ZBTB16: variants seen among roughly 807,000 people sequenced by gnomAD.
ZBTB16 encodes the protein zinc finger and BTB domain-containing protein 16.
Under a neutral mutation model 56.8 loss-of-function variants are expected in ZBTB16, and 8 were observed. The ratio of observed to expected loss-of-function variants is 0.14; its 90% CI spans 0.08 to 0.25. ZBTB16 has a LOEUF of 0.25. ZBTB16 is among the 10% of genes least tolerant of loss of function. The pLI is 1.00. For synonymous variants in ZBTB16, 363 were observed against 368.5 expected (o/e 0.98, Z 0.17); for missense variants, 625 against 903.0 (o/e 0.69, Z 3.95).
At chr11:114,093,313 G>A (rs918344298) in intron 2 of ZBTB16, among the ~76,000 whole-genome samples, 5 of 150,558 alleles carry the variant, frequency 3.3e-5, no homozygotes, top group African/African-American at 1.2e-4. Flanking sequence ...TTGTGGAGAG[G>A]TGAACACCGT....
intron 4 of ZBTB16, among the ~76,000 whole-genome samples, chr11:114,235,166 C>A (rs908077506): frequency 1.3e-5 from 2 of 152,178 alleles, no homozygotes; most frequent in Non-Finnish European, 2.9e-5. Flanking sequence ...GGCAGTCCTT[C>A]CTTTGTTGGG....
At chr11:114,120,125 A>G (rs910800006) in intron 2 of ZBTB16, among the ~76,000 whole-genome samples, 3 of 152,126 alleles carry the variant, frequency 2.0e-5, no homozygotes, top group Admixed American at 2.0e-4. Flanking sequence ...CAGGAGGGAA[A>G]TCTGTAAGGG....
At chr11:114,127,043 A>G (rs1364200690) in intron 2 of ZBTB16, among the ~76,000 whole-genome samples, 1 of 152,110 alleles carries the variant, frequency 6.6e-6, no homozygotes, top group African/African-American at 2.4e-5. Flanking sequence ...TTCTGGACCC[A>G]GCCTTGGACC....
chr11:114,188,715 G>T (rs573190356), intron 4 of ZBTB16: 4 of 152,312 alleles, frequency 2.6e-5, no homozygotes, highest in South Asian at 2.1e-4. Flanking sequence ...TGAGCTTCTA[G>T]CTGGGAGACA....
rs1944955784 is a variant in ZBTB16, at chr11:114,253,786, G to A, written c.*3231G>A. On this transcript the variant is annotated 3_prime_UTR_variant, in exon 7 of 7. Coordinates refer to ENST00000335953, the MANE Select transcript of ZBTB16 (RefSeq NM_006006.6). ...TGTTGCACGGCCTAGTGGCCAGGGG[G>A]CAAGCTAAGAGGCTGTCTGGAGGCT... is the stretch of plus-strand genomic sequence containing the variant. 2.0e-5 allele frequency among the ~76,000 whole-genome samples: 3 copies of A among 152,248 alleles called. No individual in the cohort carries two copies. The highest frequency in any genetic ancestry group is 4.8e-5 in the African/African-American group (2 of 41,458).
intron 2 of ZBTB16, among the ~76,000 whole-genome samples, chr11:114,113,543 T>C (rs905734661): frequency 1.3e-5 from 2 of 152,324 alleles, no homozygotes; most frequent in Middle Eastern, 6.8e-3. Flanking sequence ...TCAACAGATA[T>C]TTATTGAGTA....
At chr11:114,247,903 A>AC (rs1555161488) in intron 6 of ZBTB16, among the ~76,000 whole-genome samples, 1 of 148,288 alleles carries the variant, frequency 6.7e-6, no homozygotes, top group Admixed American at 6.7e-5. Context: ...GTGCCTTCAC[A>AC]TTTTTTTTTT....
chr11:114,102,720 C>T (rs1311732848), intron 2 of ZBTB16, among the ~76,000 whole-genome samples: 4 of 152,148 alleles, frequency 2.6e-5, no homozygotes, highest in African/African-American at 9.7e-5. Context: ...AAGAGCTGAA[C>T]AGTCATTTAA....
intron 3 of ZBTB16, among the ~76,000 whole-genome samples, chr11:114,170,750 CTCAT>C (rs1942941265): frequency 1.3e-5 from 2 of 152,176 alleles, no homozygotes; most frequent in Admixed American, 1.3e-4. Context: ...GCACAGGGAG[CTCAT>C]TGGCGGCTGC....
chr11:114,190,577 A>C (rs1288705491), intron 4 of ZBTB16, among the ~76,000 whole-genome samples: 1 of 152,164 alleles, frequency 6.6e-6, no homozygotes, highest in Non-Finnish European at 1.5e-5. Context: ...TCTGTGTATT[A>C]GTTGAACTGT....
chr11:114,129,651 A>C (rs949042207), intron 2 of ZBTB16, among the ~76,000 whole-genome samples: 10 of 152,202 alleles, frequency 6.6e-5, no homozygotes, highest in African/African-American at 2.4e-4. Flanking sequence ...CATGCTTGTG[A>C]AACCATTTTC....
chr11:114,210,438 C>T (rs538993965), intron 4 of ZBTB16, among the ~76,000 whole-genome samples: 6 of 152,254 alleles, frequency 3.9e-5, no homozygotes, highest in African/African-American at 1.2e-4. Context: ...CTGCAACAGC[C>T]GAGCATCCCC....
intron 2 of ZBTB16, among the ~76,000 whole-genome samples, chr11:114,074,224 G>T (rs983604710): frequency 6.6e-6 from 1 of 152,028 alleles, no homozygotes. Flanking sequence ...CCCTCACCCG[G>T]CGTTGTGCTC....
chr11:114,088,608 C>G (rs987680434), intron 2 of ZBTB16, among the ~76,000 whole-genome samples: 1 of 152,138 alleles, frequency 6.6e-6, no homozygotes, highest in African/African-American at 2.4e-5. Context: ...CTCTTGCTGG[C>G]TTAGGAACAG....
At chr11:114,132,881 C>T (rs926670634) in intron 2 of ZBTB16, among the ~76,000 whole-genome samples, 1 of 152,054 alleles carries the variant, frequency 6.6e-6, no homozygotes, top group Non-Finnish European at 1.5e-5. Flanking sequence ...CTAGATGTGT[C>T]TCCCCTCCTT....
intron 2 of ZBTB16, among the ~76,000 whole-genome samples, chr11:114,078,995 C>T (rs1460706876): frequency 1.3e-5 from 2 of 151,256 alleles, no homozygotes; most frequent in African/African-American, 4.9e-5. Flanking sequence ...GCCTGTAATC[C>T]CAGCTAGTCG....
intron 2 of ZBTB16, among the ~76,000 whole-genome samples, chr11:114,154,415 A>G (rs1942352349): frequency 6.6e-6 from 1 of 152,232 alleles, no homozygotes; most frequent in African/African-American, 2.4e-5. Flanking sequence ...CCTTATGAAT[A>G]GAGCCTTTGC....
intron 4 of ZBTB16, among the ~76,000 whole-genome samples, chr11:114,231,742 T>A (rs1180097080): frequency 6.6e-6 from 1 of 152,166 alleles, no homozygotes; most frequent in African/African-American, 2.4e-5. Flanking sequence ...AGATTCTCTT[T>A]AGCTAAAAGA....
At position 114,064,342 on chromosome 11, in the gene ZBTB16, A is replaced by G. The variant is rs1173910208; in HGVS notation, c.1042A>G (p.Met348Val). The G allele has an allele frequency of 1.2e-6, 2 of 1,614,078 alleles. No individual in the cohort carries two copies. Among genetic ancestry groups the G allele is most frequent in the Non-Finnish European group, 1.7e-6 (2 of 1,180,040 alleles). Reference sequence around the variant, plus strand: ...CCACAAGGCTGACGCTGTATTGAGCATGCCGTCTTCCGTGACCTCTGGCCT... The same window carrying G: ...CCACAAGGCTGACGCTGTATTGAGCGTGCCGTCTTCCGTGACCTCTGGCCT... ...PNHKADAVLS[M>V]PSSVTSGLHV... The change falls in exon 2 of 7, where the codon ATG becomes GTG. Residue 348 changes from methionine to valine, a missense_variant. By Grantham distance (21) the Met-to-Val change is conservative. Coordinates refer to ENST00000335953, the MANE Select transcript of ZBTB16 (RefSeq NM_006006.6). The surrounding 1 kb of genome is among the most constrained non-coding windows in gnomAD (Gnocchi z 4.2).
Sources: gnomAD v4.1 joint callset for allele counts (sites outside exome capture counted in the v4.1 genomes callset) on GRCh38, gnomAD v4.1.1 for gene constraint, Gnocchi (gnomAD v3.1) non-coding constraint, MANE v1.5 for transcripts, NCBI Gene and HGNC (gene_info 2026-07-23, HGNC 2026-07-21) for gene names.